Variants in RIN2 observed in about 807,000 individuals in gnomAD.
The protein encoded by RIN2 is Ras and Rab interactor 2.
RIN2 carries 36 observed loss-of-function variants against 78.0 expected under a neutral mutation model. The observed-to-expected ratio is 0.46, with a 90% CI of 0.35 to 0.61. The LOEUF (loss-of-function observed/expected upper bound fraction) is 0.61, where lower values mean the gene tolerates loss of function less well. RIN2 is among the 20% of genes least tolerant of loss of function. The pLI is 0.00. For missense variants in RIN2, 1,087 were observed against 1,159.7 expected, an observed-to-expected ratio of 0.94 and a Z score of 0.91; for synonymous variants, 466 against 466.8, an observed-to-expected ratio of 1.00 and a Z score of 0.02.
At chr20:19,949,290 T>C (rs1006245025) in intron 4 of RIN2, among the ~76,000 whole-genome samples, 2 of 152,096 alleles carry the variant, frequency 1.3e-5, no homozygotes, top group East Asian at 3.9e-4. Flanking sequence ...TCAAAATAAA[T>C]AAATAAAAAT....
intron 2 of RIN2, among the ~76,000 whole-genome samples, chr20:19,867,665 C>T (rs1236207318): frequency 4.6e-5 from 7 of 152,186 alleles, no homozygotes; most frequent in Non-Finnish European, 7.3e-5. Context: ...CAGAGTGATG[C>T]GGTGGCCTCC....
chr20:19,846,616 G>C (rs2036792254), intron 2 of RIN2, among the ~76,000 whole-genome samples: 1 of 152,170 alleles, frequency 6.6e-6, no homozygotes, highest in African/African-American at 2.4e-5. Flanking sequence ...AGGAGATTTT[G>C]GGCTGAGACG....
At chr20:19,823,562 T>C (rs1211013454) in intron 2 of RIN2, 1 of 1,422,980 alleles carries the variant, frequency 7.0e-7, no homozygotes, top group African/African-American at 1.4e-5. Context: ...TCTTTAGTGG[T>C]TCCAGAGAGT....
At chr20:19,828,182 T>C (rs192279675) in intron 2 of RIN2, among the ~76,000 whole-genome samples, 1 of 152,336 alleles carries the variant, frequency 6.6e-6, no homozygotes, top group Admixed American at 6.5e-5. Context: ...CTTTAAACTT[T>C]GTGAAATCTC....
intron 12 of RIN2, among the ~76,000 whole-genome samples, chr20:20,000,273 A>G (rs568807213): frequency 2.0e-5 from 3 of 152,200 alleles, no homozygotes; most frequent in Non-Finnish European, 4.4e-5. Context: ...TATTTGGTTT[A>G]GTTTTCAAGC....
chr20:19,895,441 A>AG (rs1260290578), intron 3 of RIN2, among the ~76,000 whole-genome samples: 5 of 152,148 alleles, frequency 3.3e-5, no homozygotes, highest in African/African-American at 1.2e-4. Flanking sequence ...AAGTGTGTAG[A>AG]GTACCCCCTT....
rs527832680 is a variant in RIN2 at position 19,889,466 on chromosome 20, G to A, written c.-36-100G>A. 68 of 1,258,648 alleles carry A rather than the reference G, an allele frequency of 5.4e-5. No individual in the cohort carries two copies. The South Asian group carries it at 6.5e-4, about 12-fold the overall frequency. The allele number at this position is 1,258,648 out of a possible 1,614,324, so 78.0% of individuals were successfully genotyped here. A position where few individuals can be genotyped will look rare whatever the true frequency, so the allele number is the denominator to read the frequency against. The stretch of plus-strand genomic sequence containing the variant: ...AAATAAATGGCACTGTGTTGTTGAC[G>A]GAAAAAGATCTTGGCAGGACTGTTG... On this transcript the variant is annotated intron_variant, in intron 2 of 12. Coordinates refer to ENST00000255006, the MANE Select transcript of RIN2 (RefSeq NM_018993.4).
At chr20:19,978,084 T>G (rs2042336875) in intron 9 of RIN2, among the ~76,000 whole-genome samples, 1 of 152,118 alleles carries the variant, frequency 6.6e-6, no homozygotes. Flanking sequence ...TTTATTAGAT[T>G]AGGCCTCTGA....
intron 8 of RIN2, among the ~76,000 whole-genome samples, chr20:19,971,686 C>A (rs551931644): frequency 4.8e-4 from 72 of 151,042 alleles, no homozygotes; most frequent in African/African-American, 1.7e-3. Flanking sequence ...AAGGAAGCTT[C>A]AGCGAGGAGC....
rs569467788 is a variant in RIN2, at chr20:19,952,846, G to A, written c.159-3769G>A. Among the ~76,000 whole-genome samples the A allele has an allele frequency of 8.3e-4, 127 of 152,260 alleles. No homozygotes were observed. In the South Asian group the frequency reaches 0.011, roughly 13 times the overall value. On this transcript the variant is annotated intron_variant, in intron 4 of 12. Transcript: ENST00000255006. ...GCATGGTACCCATCCCGCGCCCGCA[G>A]CCCCTAGCAAAACAAAACCAAACCC...
At chr20:19,868,156 G>C (rs2037565619) in intron 2 of RIN2, among the ~76,000 whole-genome samples, 1 of 152,210 alleles carries the variant, frequency 6.6e-6, no homozygotes, top group African/African-American at 2.4e-5. Context: ...CTCTTCTGAG[G>C]TTTCTCCAAC....
intron 3 of RIN2, among the ~76,000 whole-genome samples, chr20:19,933,066 C>T (rs1349497433): frequency 1.3e-5 from 2 of 152,322 alleles, no homozygotes; most frequent in African/African-American, 2.4e-5. Flanking sequence ...ACCACTACCA[C>T]CTCGGTCCAA....
chr20:19,918,353 TTGTGTGTGTGTGTGTGTG>T (rs3059683), intron 3 of RIN2, among the ~76,000 whole-genome samples: 69 of 147,222 alleles, frequency 4.7e-4, no homozygotes, highest in Middle Eastern at 3.4e-3. Flanking sequence ...TACAAATACA[TTGTGTGTGTGTGTGTGTG>T]TGTGTGTGTG....
intron 2 of RIN2, among the ~76,000 whole-genome samples, chr20:19,844,603 CT>C (rs2036686726): frequency 5.3e-5 from 2 of 37,448 alleles, no homozygotes; most frequent in African/African-American, 1.6e-4. Flanking sequence ...GCTTCTTCCT[CT>C]TCTTCTTCTT....
chr20:19,926,069 A>G (rs963783672), intron 3 of RIN2, among the ~76,000 whole-genome samples: 1 of 152,182 alleles, frequency 6.6e-6, no homozygotes, highest in Non-Finnish European at 1.5e-5. Flanking sequence ...CCTCATTACA[A>G]TTTGTCGAGT....
At chr20:19,831,058 T>C (rs533304777) in intron 2 of RIN2, among the ~76,000 whole-genome samples, 1 of 152,304 alleles carries the variant, frequency 6.6e-6, no homozygotes. Flanking sequence ...CCAAGTCTGC[T>C]TCTGGGAGAC....
At chr20:19,844,668 TC>T (rs778289241) in intron 2 of RIN2, among the ~76,000 whole-genome samples, 6,517 of 107,412 alleles carry the variant, frequency 0.061, 167 homozygotes, top group East Asian at 0.073. Flanking sequence ...TTCTTCTTCT[TC>T]CTTCTTCTTC....
chr20:19,838,276 T>C (rs867641409), intron 2 of RIN2, among the ~76,000 whole-genome samples: 2 of 148,494 alleles, frequency 1.3e-5, no homozygotes, highest in Admixed American at 7.0e-5. Context: ...AAGAGAGATA[T>C]GGCCTGGTTA....
chr20:19,928,953 G>A (rs1054305806), intron 3 of RIN2, among the ~76,000 whole-genome samples: 7 of 152,198 alleles, frequency 4.6e-5, no homozygotes, highest in Non-Finnish European at 1.0e-4. Context: ...GAGGTCTGCT[G>A]TGCTGTATAA....
Sources: allele counts gnomAD v4.1 joint callset (sites outside exome capture counted in the v4.1 genomes callset), GRCh38; gene constraint gnomAD v4.1.1; transcripts MANE v1.5; gene names NCBI Gene and HGNC (gene_info 2026-07-23, HGNC 2026-07-21).